The following KCNMA1 variants were observed in gnomAD, a reference collection of about 807,000 sequenced individuals.
The protein encoded by KCNMA1 is potassium calcium-activated channel subfamily M alpha 1, also known as Calcium-activated potassium channel subunit alpha-1.
KCNMA1 carries 29 observed loss-of-function variants against 140.0 expected under a neutral mutation model. The observed-to-expected ratio is 0.21, with a 90% CI of 0.15 to 0.28. The LOEUF is 0.28. Ranked by LOEUF, KCNMA1 falls within the 10% of genes least tolerant of loss-of-function variation. KCNMA1 has a pLI of 1.00. For synonymous variants in KCNMA1, 612 were observed against 611.9 expected (o/e 1.00, Z 0.00); for missense variants, 880 against 1,602.2 (o/e 0.55, Z 7.70).
intron 2 of KCNMA1, among the ~76,000 whole-genome samples, chr10:77,395,710 T>C (rs539151671): frequency 1.1e-4 from 16 of 152,346 alleles, no homozygotes; most frequent in Non-Finnish European, 2.2e-4. Flanking sequence ...TAGTGTTCTA[T>C]GGAACCTAAT....
chr10:77,152,916 G>A (rs1174867872), intron 5 of KCNMA1, among the ~76,000 whole-genome samples: 1 of 152,140 alleles, frequency 6.6e-6, no homozygotes, highest in Non-Finnish European at 1.5e-5. Context: ...CCTGCACACT[G>A]TACCTCCATT....
chr10:77,084,530 G>C (rs1358556906), intron 12 of KCNMA1, 107 bp downstream of exon 12: 1 of 856,794 alleles, frequency 1.2e-6, no homozygotes, highest in Non-Finnish European at 1.9e-6. Context: ...AGTGGCTTGT[G>C]GGGCAAAAAG....
chr10:76,941,844 C>T (rs561488033), intron 23 of KCNMA1, among the ~76,000 whole-genome samples: 11 of 152,282 alleles, frequency 7.2e-5, no homozygotes, highest in Middle Eastern at 6.8e-3. Context: ...TTCTGGAGAA[C>T]GGAAAGTTCA....
chr10:77,246,379 C>G (rs905613805), intron 3 of KCNMA1, among the ~76,000 whole-genome samples: 1 of 152,162 alleles, frequency 6.6e-6, no homozygotes, highest in African/African-American at 2.4e-5. Flanking sequence ...GGTAAAGTGC[C>G]TAGCTCTGTA....
chr10:77,097,209 T>C (rs187507197), intron 9 of KCNMA1, among the ~76,000 whole-genome samples: 3 of 152,336 alleles, frequency 2.0e-5, no homozygotes, highest in Admixed American at 2.0e-4. Context: ...TCAGGGTTAC[T>C]GTTTCCCAGC....
chr10:77,061,127 A>G (rs2095731832), intron 14 of KCNMA1, among the ~76,000 whole-genome samples: 1 of 152,180 alleles, frequency 6.6e-6, no homozygotes, highest in Non-Finnish European at 1.5e-5. Context: ...TAGGAGTGGT[A>G]TTTCTGAGTC....
intron 3 of KCNMA1, among the ~76,000 whole-genome samples, chr10:77,221,370 G>A (rs1159457488): frequency 6.6e-6 from 1 of 152,120 alleles, no homozygotes; most frequent in Non-Finnish European, 1.5e-5. Context: ...ATCCATAGAT[G>A]CGCTTCAGGG....
intron 24 of KCNMA1, chr10:76,911,500 C>T (rs917277241): frequency 6.6e-5 from 10 of 152,294 alleles, no homozygotes; most frequent in Admixed American, 5.9e-4. Flanking sequence ...TCATTCTATA[C>T]CTTAGTTTGT....
chr10:76,978,510 A>G (rs370579012), intron 19 of KCNMA1: 2 of 152,244 alleles, frequency 1.3e-5, no homozygotes, highest in African/African-American at 4.8e-5. Context: ...GCATGCTAAT[A>G]TATTTTTTAA....
chr10:77,508,258 G>A (rs981663781), intron 1 of KCNMA1, among the ~76,000 whole-genome samples: 5 of 151,734 alleles, frequency 3.3e-5, no homozygotes, highest in African/African-American at 7.3e-5. Context: ...TCACTGAACC[G>A]CAACCCCCTG....
At chr10:77,421,768 G>C (rs981703984) in intron 1 of KCNMA1, among the ~76,000 whole-genome samples, 1 of 152,238 alleles carries the variant, frequency 6.6e-6, no homozygotes, top group Non-Finnish European at 1.5e-5. Flanking sequence ...GCCAGCTCCT[G>C]CACTAGACTA....
chr10:77,478,067 C>T (rs1336939660), intron 1 of KCNMA1, among the ~76,000 whole-genome samples: 2 of 152,206 alleles, frequency 1.3e-5, no homozygotes, highest in Non-Finnish European at 2.9e-5. Context: ...ATTCCACTTC[C>T]TTCCTTTACC....
At chr10:77,615,633 C>G (rs773699035) in intron 1 of KCNMA1, among the ~76,000 whole-genome samples, 3 of 152,144 alleles carry the variant, frequency 2.0e-5, no homozygotes, top group Non-Finnish European at 4.4e-5. Context: ...TCTTCCTTTC[C>G]TCTCTCTCCA....
At chr10:77,143,965 G>A (rs182775560) in intron 5 of KCNMA1, among the ~76,000 whole-genome samples, 16 of 152,224 alleles carry the variant, frequency 1.1e-4, no homozygotes, top group African/African-American at 2.9e-4. Context: ...ACCCTCACAC[G>A]TTGCTAGTAG....
chr10:76,974,327 G>C lies in KCNMA1; in HGVS notation c.2267-4260C>G, dbSNP rs2153198792. On this transcript the variant is annotated intron_variant, in intron 19 of 27. Coordinates refer to ENST00000286628, the MANE Select transcript of KCNMA1 (RefSeq NM_001161352.2). ...TAATTATTATTAATCGTTTTTTACGGTTTTCCCTTTTGGTATTTTGCTGCC... is the reference window on the plus strand; with the variant it reads ...TAATTATTATTAATCGTTTTTTACGCTTTTCCCTTTTGGTATTTTGCTGCC... 1.3e-5 allele frequency: 7 copies of C among 522,628 alleles called. No homozygotes were observed. The South Asian group carries it at 1.8e-4, about 13-fold the overall frequency. The allele number at this position is 522,628 out of a possible 1,614,324, so 32.4% of individuals were successfully genotyped here.
chr10:77,569,907 C>A (rs2070243145), intron 1 of KCNMA1, among the ~76,000 whole-genome samples: 1 of 151,724 alleles, frequency 6.6e-6, no homozygotes, highest in Non-Finnish European at 1.5e-5. Flanking sequence ...ACAAACAACC[C>A]CATCAAAAAG....
intron 20 of KCNMA1, among the ~76,000 whole-genome samples, chr10:76,960,451 A>C (rs937928676): frequency 4.6e-5 from 7 of 151,958 alleles, no homozygotes; most frequent in African/African-American, 1.7e-4. Context: ...AGGCACGAGA[A>C]TTACTTGAAC....
chr10:77,260,965 T>C (rs1283856428), intron 2 of KCNMA1, among the ~76,000 whole-genome samples: 1 of 152,170 alleles, frequency 6.6e-6, no homozygotes, highest in Non-Finnish European at 1.5e-5. Context: ...AGTGAATATA[T>C]TTGTGTGTAT....
chr10:77,245,810 G>A (rs932006201), intron 3 of KCNMA1, among the ~76,000 whole-genome samples: 2 of 152,152 alleles, frequency 1.3e-5, no homozygotes, highest in African/African-American at 4.8e-5. Context: ...GGTGGTGGAA[G>A]CTAATGAGGA....
Sources: gnomAD v4.1 joint callset for allele counts (sites outside exome capture counted in the v4.1 genomes callset) on GRCh38, gnomAD v4.1.1 for gene constraint, MANE v1.5 for transcripts, NCBI Gene and HGNC (gene_info 2026-07-23, HGNC 2026-07-21) for gene names.